STPG2: variants seen among roughly 807,000 people sequenced by gnomAD.
STPG2 encodes sperm tail PG-rich repeat containing 2, also known as sperm-tail PG-rich repeat-containing protein 2.
A neutral mutation model predicts 54.2 loss-of-function variants in STPG2; 56 were observed. That is an observed-to-expected ratio of 1.03 (90% CI 0.83 to 1.29). The LOEUF is 1.29. Among genes scored for constraint, STPG2 ranks in the 50% most tolerant of loss-of-function variants. STPG2 has a pLI of 0.00. For missense variants in STPG2, 596 were observed against 544.9 expected (o/e 1.09, Z -0.93); for synonymous variants, 200 against 181.8 (o/e 1.10, Z -0.81).
chr4:97,634,651 T>G (rs1721440713), intron 10 of STPG2, among the ~76,000 whole-genome samples: 1 of 151,606 alleles, frequency 6.6e-6, no homozygotes, highest in African/African-American at 2.4e-5. Context: ...TTAAAGGAGC[T>G]GATGGAGCTG....
intron 9 of STPG2, among the ~76,000 whole-genome samples, chr4:97,777,622 T>C (rs1356973748): frequency 6.6e-6 from 1 of 152,202 alleles, no homozygotes; most frequent in Non-Finnish European, 1.5e-5. Context: ...TCTTATTTCA[T>C]ATAAAAGCTA....
intron 10 of STPG2, among the ~76,000 whole-genome samples, chr4:97,642,114 A>T (rs1721783301): frequency 6.6e-6 from 1 of 151,534 alleles, no homozygotes; most frequent in South Asian, 2.1e-4. Context: ...ACTATGCAAC[A>T]TAAACAGATC....
intron 5 of STPG2, among the ~76,000 whole-genome samples, chr4:98,010,588 G>C (rs1001755321): frequency 1.3e-5 from 2 of 152,106 alleles, no homozygotes; most frequent in African/African-American, 4.8e-5. Context: ...CAATCATTCA[G>C]CCACTATATG....
chr4:97,691,214 G>A (rs1479266778), intron 10 of STPG2, among the ~76,000 whole-genome samples: 2 of 152,142 alleles, frequency 1.3e-5, no homozygotes, highest in Non-Finnish European at 2.9e-5. Flanking sequence ...GGACAGCTGA[G>A]GAACTGTCCC....
intron 8 of STPG2, among the ~76,000 whole-genome samples, chr4:97,919,090 C>T (rs1337268060): frequency 6.6e-6 from 1 of 151,972 alleles, no homozygotes; most frequent in Non-Finnish European, 1.5e-5. Flanking sequence ...AGGGATTAAA[C>T]ACACTTCTAA....
rs184755382 is a variant in STPG2 at position 97,446,221 on chromosome 4, A to G, written c.463-258388T>C. On this transcript the variant is annotated intron_variant, in intron 4 of 4. Coordinates refer to the STPG2 transcript ENST00000522676. Reference sequence around the variant, plus strand: ...AAAAGCAACTCACCTGATTAAGGTAACTATTTTATCTTGTTATTAAAGGCA... The same window carrying G: ...AAAAGCAACTCACCTGATTAAGGTAGCTATTTTATCTTGTTATTAAAGGCA... Among the ~76,000 whole-genome samples, 277 of 152,346 alleles carry G rather than the reference A, an allele frequency of 1.8e-3. 1 individual carries two copies. Among genetic ancestry groups the G allele is most frequent in the African/African-American group, 5.8e-3 (241 of 41,590 alleles).
chr4:97,795,656 A>T (rs1253687148), intron 9 of STPG2, among the ~76,000 whole-genome samples: 1 of 152,226 alleles, frequency 6.6e-6, no homozygotes, highest in Non-Finnish European at 1.5e-5. Context: ...GCCACAATAA[A>T]CATATGTGTG....
chr4:97,884,205 C>T (rs1436486045), intron 8 of STPG2, among the ~76,000 whole-genome samples: 3 of 152,174 alleles, frequency 2.0e-5, no homozygotes, highest in Non-Finnish European at 4.4e-5. Context: ...TTATAAGCAA[C>T]TGAATCAGAC....
At chr4:97,894,579 TC>T (rs1461434306) in intron 8 of STPG2, among the ~76,000 whole-genome samples, 3 of 151,880 alleles carry the variant, frequency 2.0e-5, no homozygotes, top group Non-Finnish European at 4.4e-5. Context: ...ATCTCAGGAT[TC>T]CCAATTAACT....
chr4:97,965,831 G>C (rs577825245), intron 7 of STPG2, among the ~76,000 whole-genome samples: 46 of 152,262 alleles, frequency 3.0e-4, no homozygotes, highest in Non-Finnish European at 6.2e-4. Context: ...CATCAACAAA[G>C]AGGACATCTA....
At chr4:97,915,160 C>T (rs1206252167) in intron 8 of STPG2, among the ~76,000 whole-genome samples, 1 of 151,992 alleles carries the variant, frequency 6.6e-6, no homozygotes, top group Non-Finnish European at 1.5e-5. Context: ...TGAGTAGTTA[C>T]TAAGGGTAAC....
chr4:97,992,637 T>C (rs1014242322), intron 5 of STPG2, among the ~76,000 whole-genome samples: 7 of 152,084 alleles, frequency 4.6e-5, no homozygotes, highest in Admixed American at 4.6e-4. Context: ...CTGTGAAGAA[T>C]TATGGTGGTA....
chr4:97,935,418 G>C (rs1225483192), intron 8 of STPG2, among the ~76,000 whole-genome samples: 1 of 152,010 alleles, frequency 6.6e-6, no homozygotes, highest in African/African-American at 2.4e-5. Flanking sequence ...CTTGTCTTCT[G>C]CTAGCTTTTG....
intron 9 of STPG2, among the ~76,000 whole-genome samples, chr4:97,715,370 A>G (rs996521429): frequency 4.6e-5 from 7 of 152,164 alleles, no homozygotes; most frequent in Admixed American, 2.0e-4. Context: ...TGGCTAGTGT[A>G]TAATGGGAAA....
At chr4:97,886,550 T>A (rs1038748020) in intron 8 of STPG2, among the ~76,000 whole-genome samples, 1 of 152,176 alleles carries the variant, frequency 6.6e-6, no homozygotes, top group Non-Finnish European at 1.5e-5. Context: ...TATCCACATA[T>A]GACTAAATGG....
intron 4 of STPG2, among the ~76,000 whole-genome samples, chr4:97,519,847 A>G (rs1157460703): frequency 6.6e-6 from 1 of 151,986 alleles, no homozygotes; most frequent in East Asian, 1.9e-4. Context: ...GAAAAAGGAG[A>G]AAGGACAAGG....
In STPG2 at chr4:97,657,334, A is replaced by G. The variant is rs115495366; in HGVS notation, c.1320+55365T>C. 6.8e-3 allele frequency among the ~76,000 whole-genome samples: 1,029 copies of G among 152,306 alleles called. 5 individuals are homozygous for G. The highest frequency in any genetic ancestry group is 0.012 in the Non-Finnish European group (813 of 68,012). On this transcript the variant is annotated intron_variant, in intron 10 of 10. Transcript: ENST00000295268. ...AATCATCATTCAGATAGGCAGAGTAATTAAATTCCATCATCTTTGCTATGA... is the reference window on the plus strand; with the variant it reads ...AATCATCATTCAGATAGGCAGAGTAGTTAAATTCCATCATCTTTGCTATGA...
intron 10 of STPG2, among the ~76,000 whole-genome samples, chr4:97,567,997 T>C (rs922660145): frequency 6.6e-6 from 1 of 152,196 alleles, no homozygotes; most frequent in African/African-American, 2.4e-5. Flanking sequence ...GTATACACTG[T>C]TGCATAGTTT....
chr4:98,094,838 A>G (rs1738800395), intron 5 of STPG2, among the ~76,000 whole-genome samples: 1 of 152,216 alleles, frequency 6.6e-6, no homozygotes, highest in South Asian at 2.1e-4. Context: ...TAGCCACAGT[A>G]TAATAGAACA....
Sources: gnomAD v4.1 joint callset for allele counts (sites outside exome capture counted in the v4.1 genomes callset) on GRCh38, gnomAD v4.1.1 for gene constraint, MANE v1.5 for transcripts, NCBI Gene and HGNC (gene_info 2026-07-23, HGNC 2026-07-21) for gene names.